SAC3D1: variants seen among roughly 807,000 people sequenced by gnomAD.
The protein encoded by SAC3D1 is SAC3 domain containing 1.
SAC3D1 carries 10 observed loss-of-function variants against 12.7 expected under a neutral mutation model. That is an observed-to-expected ratio of 0.79 (90% CI 0.49 to 1.34). The LOEUF is 1.34. Among genes scored for constraint, SAC3D1 ranks in the 40% most tolerant of loss-of-function variants. The probability of loss-of-function intolerance (pLI) is 0.00; values close to 1 mark genes in which losing one functional copy is unlikely to be tolerated. For synonymous variants in SAC3D1, 241 were observed against 250.8 expected (o/e 0.96, Z 0.37); for missense variants, 482 against 531.1 (o/e 0.91, Z 0.91).
At position 65,044,159 on chromosome 11, in the gene SAC3D1, G is replaced by A; in HGVS notation, c.575-66G>A. The A allele has an allele frequency of 6.4e-7, 1 of 1,551,460 alleles. No individual in the cohort carries two copies. The highest frequency in any genetic ancestry group is 8.8e-7 in the Non-Finnish European group (1 of 1,139,806). On this transcript the variant is annotated intron_variant, in intron 1 of 1. Transcript: ENST00000652489. This position sits in a 1 kb window ranked among gnomAD's most constrained non-coding sequence, Gnocchi z 4.0. ...GAGGAGAGAGGAAGGACAGGGTGTT[G>A]GGAGGGGAGATGAGCCTGATCCTGT...
rs767948095 is a variant in SAC3D1 at position 65,044,699 on chromosome 11, G to A, written c.1049G>A (p.Gly350Asp). Residue 350 changes from glycine to aspartate, a missense_variant, in exon 2 of 2, where the codon GGC (glycine) becomes GAC (aspartate). Coordinates refer to ENST00000652489, the MANE Select transcript of SAC3D1 (RefSeq NM_013299.4). The surrounding 1 kb of genome is among the most constrained non-coding windows in gnomAD (Gnocchi z 4.0). Reference protein sequence around the residue: ...EVVMAEEEDEGTDRPGSPA With the variant: ...EVVMAEEEDEDTDRPGSPA ...GTCATGGCAGAGGAGGAAGATGAGG[G>A]CACGGACAGACCTGGGTCCCCAGCC... 2 of 1,613,188 alleles carry A rather than the reference G, an allele frequency of 1.2e-6. No homozygotes were observed. Among genetic ancestry groups the A allele is most frequent in the South Asian group, 1.1e-5 (1 of 91,080 alleles).
At position 65,044,683 on chromosome 11, in the gene SAC3D1, G is replaced by T; in HGVS notation, c.1033G>T (p.Glu345Ter). 1 of 1,613,640 alleles carries T rather than the reference G, an allele frequency of 6.2e-7. No homozygotes were observed. The highest frequency in any genetic ancestry group is 8.5e-7 in the Non-Finnish European group (1 of 1,180,014). Residue 345 changes from glutamate to a stop codon, truncating the protein, a stop_gained, in exon 2 of 2, where the codon GAG (glutamate) becomes TAG (stop). Coordinates refer to ENST00000652489, the MANE Select transcript of SAC3D1 (RefSeq NM_013299.4). LOFTEE classifies it low-confidence loss of function (END_TRUNC). This position sits in a 1 kb window ranked among gnomAD's most constrained non-coding sequence, Gnocchi z 4.0. ...TACCCTGGAGGAGGTGGTCATGGCA[G>T]AGGAGGAAGATGAGGGCACGGACAG... ...GRTLEEVVMA[E>*]EEDEGTDRPG...
chr11:65,040,978 A>G (rs1446341147), upstream of SAC3D1: 1 of 436,990 alleles, frequency 2.3e-6, no homozygotes, highest in Non-Finnish European at 4.1e-6. Context: ...TAAAAACACT[A>G]AGGGGAGCGC....
rs749527820 is a variant in SAC3D1 at position 65,041,248 on chromosome 11, C to G, written c.-45C>G. 1.6e-5 allele frequency: 24 copies of G among 1,478,152 alleles called. No individual in the cohort carries two copies. Among genetic ancestry groups the G allele is most frequent in the Non-Finnish European group, 2.0e-5 (22 of 1,121,018 alleles). The allele number at this position is 1,478,152 out of a possible 1,614,324, so 91.6% of individuals were successfully genotyped here. ...CTCGCGTGCCTTCCCGCAGCACTGC[C>G]GTCCCCGGGATGCTGAGCGCCCACC... On this transcript the variant is annotated 5_prime_UTR_variant, in exon 1 of 2. Transcript: ENST00000652489.
At chr11:65,042,097 G>A (rs1946617312) in intron 1 of SAC3D1, among the ~76,000 whole-genome samples, 2 of 146,192 alleles carry the variant, frequency 1.4e-5, no homozygotes, top group South Asian at 4.4e-4. Flanking sequence ...GGTCTAAATA[G>A]TGATTTTCAA....
intron 1 of SAC3D1, among the ~76,000 whole-genome samples, chr11:65,043,563 A>G (rs1590749991): frequency 1.5e-5 from 2 of 135,514 alleles, no homozygotes; most frequent in African/African-American, 5.5e-5. Flanking sequence ...TGGAGATTGC[A>G]GTGAGCCAAG....
chr11:65,044,610 G>A lies in SAC3D1; in HGVS notation c.960G>A (p.Pro320=), dbSNP rs201798118. The change falls in exon 2 of 2, where the codon CCG becomes CCA. Residue 320 remains proline (P), a synonymous_variant. Coordinates refer to ENST00000652489, the MANE Select transcript of SAC3D1 (RefSeq NM_013299.4). The surrounding 1 kb of genome is among the most constrained non-coding windows in gnomAD (Gnocchi z 4.0). ...GTCGCTACGTGGAGGAAGGGCTACC[G>A]CCTGCCAGTACGTGCAAGGTGTTAG... ...LRGRYVEEGL[P]PASTCKVLVE... is the part of the protein sequence containing the mutation. 6.6e-5 allele frequency: 107 copies of A among 1,614,014 alleles called. No homozygotes were observed. In the East Asian group the frequency reaches 1.9e-3, roughly 29 times the overall value.
In SAC3D1 at chr11:65,041,688, G is replaced by C; in HGVS notation, c.396G>C (p.Thr132=). ...AAVVLEAALA[T]LLTVVARLGP... is the part of the protein sequence containing the mutation. Reference sequence around the variant, plus strand: ...TGGTGCTGGAGGCGGCGCTGGCCACGCTGCTGACCGTAGTGGCGCGGCTCG... The same window carrying C: ...TGGTGCTGGAGGCGGCGCTGGCCACCCTGCTGACCGTAGTGGCGCGGCTCG... Residue 132 remains threonine (T), a synonymous_variant, in exon 1 of 2, where the codon ACG becomes ACC. Coordinates refer to ENST00000652489, the MANE Select transcript of SAC3D1 (RefSeq NM_013299.4). 1.5e-6 allele frequency: 2 copies of C among 1,351,750 alleles called. No individual in the cohort carries two copies. The highest frequency in any genetic ancestry group is 9.4e-7 in the Non-Finnish European group (1 of 1,058,372). The allele number at this position is 1,351,750 out of a possible 1,614,324, so 83.7% of individuals were successfully genotyped here. A position where few individuals can be genotyped will look rare whatever the true frequency, so the allele number is the denominator to read the frequency against.
chr11:65,040,957 G>A (rs1279881970), upstream of SAC3D1: 4 of 383,858 alleles, frequency 1.0e-5, no homozygotes, highest in Non-Finnish European at 1.9e-5. Flanking sequence ...GGAGCGGCCC[G>A]GGCTACACGT....
At position 65,044,242 on chromosome 11, in the gene SAC3D1, C is replaced by T. The variant is rs1565212263; in HGVS notation, c.592C>T (p.His198Tyr). Residue 198 changes from histidine to tyrosine, a missense_variant, in exon 2 of 2, where the codon CAT (histidine) becomes TAT (tyrosine). By Grantham distance (83) the His-to-Tyr change is moderately conservative. Around this residue, in one of 3 missense-constraint regions of SAC3D1, gnomAD observed 225 missense variants for 241.1 expected, o/e 0.93. Transcript: ENST00000652489. This position sits in a 1 kb window ranked among gnomAD's most constrained non-coding sequence, Gnocchi z 4.0. ...LYNLGSVEAL[H>Y]EVLQLPAALR... ...TCTCACAGGCTCGGTGGAAGCCCTG[C>T]ATGAGGTTCTACAGCTGCCTGCTGC... The T allele has an allele frequency of 1.9e-6, 3 of 1,612,546 alleles. No individual in the cohort carries two copies. Among genetic ancestry groups the T allele is most frequent in the Non-Finnish European group, 2.5e-6 (3 of 1,179,840 alleles).
At chr11:65,042,541 T>G (rs1169669938) in intron 1 of SAC3D1, among the ~76,000 whole-genome samples, 2 of 151,896 alleles carry the variant, frequency 1.3e-5, no homozygotes, top group Admixed American at 6.6e-5. Flanking sequence ...TCTTATTATT[T>G]GTTTCTTTCT....
upstream of SAC3D1, chr11:65,040,965 C>G: frequency 7.3e-6 from 3 of 412,116 alleles, no homozygotes; most frequent in Non-Finnish European, 8.8e-6. Context: ...CCGGGCTACA[C>G]GTTAAAAACA....
Position 65,044,464 on chromosome 11 carries a change from AC to A in SAC3D1, c.816del (p.Leu273CysfsTer38). On this transcript the variant is annotated frameshift_variant, in exon 2 of 2. Transcript: ENST00000652489. LOFTEE classifies it low-confidence loss of function (END_TRUNC). The surrounding 1 kb of genome is among the most constrained non-coding windows in gnomAD (Gnocchi z 4.0). ...ARAFSTPKGQ[T>X]LPLGFMVNLL... ...TGCCTTTAGCACCCCCAAGGGCCAG[AC>A]CTTGCCTCTGGGCTTCATGGTCAAC... The A allele has an allele frequency of 3.7e-6, 6 of 1,613,954 alleles. No homozygotes were observed. Among genetic ancestry groups the A allele is most frequent in the Non-Finnish European group, 5.1e-6 (6 of 1,180,024 alleles).
intron 1 of SAC3D1, 199 bp downstream of exon 1, chr11:65,042,065 G>A (rs974002241): frequency 1.2e-5 from 8 of 671,650 alleles, no homozygotes; most frequent in Non-Finnish European, 1.5e-5. Context: ...AGTGGAGGGG[G>A]CAAGGGTGGA....
Position 65,041,669 on chromosome 11 carries a change from T to C in SAC3D1, c.377T>C (p.Leu126Pro), listed in dbSNP as rs1411609956. ...GGCGACGCCGAGGCAGCTGTGGTGC[T>C]GGAGGCGGCGCTGGCCACGCTGCTG... is the stretch of plus-strand genomic sequence containing the variant. The part of the protein sequence containing the change: ...GAGDAEAAVV[L>P]EAALATLLTV... Residue 126 changes from leucine to proline, a missense_variant, in exon 1 of 2, where the codon CTG (leucine) becomes CCG (proline). Leu to Pro is a moderately conservative substitution (Grantham distance 98). Coordinates refer to ENST00000652489, the MANE Select transcript of SAC3D1 (RefSeq NM_013299.4). 1 of 1,409,788 alleles carries C rather than the reference T, an allele frequency of 7.1e-7. No individual in the cohort carries two copies. Among genetic ancestry groups the C allele is most frequent in the African/African-American group, 1.5e-5 (1 of 66,924 alleles). 87.3% of individuals were successfully genotyped at this position (1,409,788 alleles called of 1,614,324 possible).
rs1361499551 is a variant in SAC3D1, at chr11:65,041,239, C to G, written c.-54C>G. Reference sequence around the variant, plus strand: ...CCGGCCGGCCTCGCGTGCCTTCCCGCAGCACTGCCGTCCCCGGGATGCTGA... The same window carrying G: ...CCGGCCGGCCTCGCGTGCCTTCCCGGAGCACTGCCGTCCCCGGGATGCTGA... On this transcript the variant is annotated 5_prime_UTR_variant, in exon 1 of 2. Transcript: ENST00000652489. 1.4e-5 allele frequency: 21 copies of G among 1,466,014 alleles called. No homozygotes were observed. In the East Asian group the frequency reaches 5.8e-4, roughly 40 times the overall value. 90.8% of individuals were successfully genotyped at this position (1,466,014 alleles called of 1,614,324 possible).
chr11:65,043,914 A>C (rs1946659694), intron 1 of SAC3D1, among the ~76,000 whole-genome samples: 1 of 152,178 alleles, frequency 6.6e-6, no homozygotes, highest in African/African-American at 2.4e-5. Context: ...GCTCAACTAC[A>C]TACCCGCCCT....
rs763703935 is a variant in SAC3D1, at chr11:65,041,554, G to C, written c.262G>C (p.Glu88Gln). 1.1e-4 allele frequency: 167 copies of C among 1,477,848 alleles called. No homozygotes were observed. Among genetic ancestry groups the C allele is most frequent in the Non-Finnish European group, 1.4e-4 (160 of 1,120,132 alleles). 91.5% of individuals were successfully genotyped at this position (1,477,848 alleles called of 1,614,324 possible). Residue 88 changes from glutamate to glutamine, a missense_variant, in exon 1 of 2, where the codon GAG (glutamate) becomes CAG (glutamine). Glu to Gln is a conservative substitution (Grantham distance 29). Transcript: ENST00000652489. ...TVRYLAGEVA[E>Q]SADIARAEVA... The stretch of plus-strand genomic sequence containing the variant: ...GCGCTACCTGGCCGGTGAGGTGGCG[G>C]AGAGCGCCGACATCGCCCGCGCCGA...
chr11:65,043,099 G>A (rs1031826056), intron 1 of SAC3D1: 2 of 445,948 alleles, frequency 4.5e-6, no homozygotes, highest in Admixed American at 2.4e-5. Flanking sequence ...CCAAGTAGCC[G>A]GGTGTGGCCA....
Sources: allele counts gnomAD v4.1 joint callset (sites outside exome capture counted in the v4.1 genomes callset), GRCh38; gene constraint gnomAD v4.1.1; regional missense constraint gnomAD v4.1.1; non-coding constraint Gnocchi (gnomAD v3.1); transcripts MANE v1.5; gene names NCBI Gene and HGNC (gene_info 2026-07-23, HGNC 2026-07-21).